Variants in CDK8 observed in about 807,000 individuals in gnomAD.
CDK8 encodes cyclin-dependent kinase 8.
Under a neutral mutation model 71.5 loss-of-function variants are expected in CDK8, and 29 were observed. That is an observed-to-expected ratio of 0.41 (90% CI 0.30 to 0.55). The LOEUF is 0.55. CDK8 is among the 20% of genes least tolerant of loss of function. CDK8 has a pLI of 0.37. For synonymous variants in CDK8, 161 were observed against 192.1 expected (o/e 0.84, Z 1.34); for missense variants, 288 against 572.6 (o/e 0.50, Z 5.07).
rs115041589 is a variant in CDK8, at chr13:26,368,723, T to G, written c.457-14091T>G. ...TTAAGTTTCACTATTAGATATGATA[T>G]TTACTTTGGGGTTTTAGTTAAAGGT... On this transcript the variant is annotated intron_variant, in intron 4 of 12. Transcript: ENST00000381527. Among the ~76,000 whole-genome samples the G allele has an allele frequency of 4.6e-3, 698 of 152,308 alleles. 4 individuals are homozygous for G. The highest frequency in any genetic ancestry group is 0.016 in the African/African-American group (649 of 41,564).
At chr13:26,360,357 T>C (rs951675185) in intron 4 of CDK8, among the ~76,000 whole-genome samples, 5 of 152,184 alleles carry the variant, frequency 3.3e-5, no homozygotes, top group Non-Finnish European at 5.9e-5. Flanking sequence ...AAGACTGATA[T>C]GTAGTCCAGC....
At chr13:26,371,194 A>G (rs1874665886) in intron 4 of CDK8, among the ~76,000 whole-genome samples, 1 of 152,208 alleles carries the variant, frequency 6.6e-6, no homozygotes, top group African/African-American at 2.4e-5. Context: ...AATTATCATT[A>G]TAATGTATTT....
chr13:26,263,777 C>T (rs571622720), intron 1 of CDK8, among the ~76,000 whole-genome samples: 2 of 133,502 alleles, frequency 1.5e-5, no homozygotes, highest in African/African-American at 2.9e-5. Flanking sequence ...GACGGAGTCT[C>T]GCTATGTCAC....
intron 1 of CDK8, among the ~76,000 whole-genome samples, chr13:26,300,763 A>G (rs959966464): frequency 6.6e-6 from 1 of 152,238 alleles, no homozygotes; most frequent in Non-Finnish European, 1.5e-5. Context: ...ATAACTGTCC[A>G]GATATATTAT....
chr13:26,329,886 C>T (rs1470506471), intron 1 of CDK8, among the ~76,000 whole-genome samples: 1 of 152,142 alleles, frequency 6.6e-6, no homozygotes, highest in Admixed American at 6.5e-5. Flanking sequence ...TATTAAACTA[C>T]TTGCTGCTAG....
At position 26,285,465 on chromosome 13, in the gene CDK8, C is replaced by T. The variant is rs141996392; in HGVS notation, c.128+30696C>T. On this transcript the variant is annotated intron_variant, in intron 1 of 12. Coordinates refer to ENST00000381527, the MANE Select transcript of CDK8 (RefSeq NM_001260.3). ...TTAACAATATGATTAAAACCCTTAG[C>T]AAAATCAGTATAGAAGGGAGATACC... Among the ~76,000 whole-genome samples the T allele has an allele frequency of 1.4e-3, 212 of 152,204 alleles. 1 individual carries two copies. Among genetic ancestry groups the T allele is most frequent in the South Asian group, 5.4e-3 (26 of 4,818 alleles).
Position 26,325,136 on chromosome 13 carries a change from A to G in CDK8, c.129-12431A>G, listed in dbSNP as rs189681203. ...TGTTGAATCTGTCTTGTTCAGTGCC[A>G]TATCTCAGAGATTATAACAGTGCCA... On this transcript the variant is annotated intron_variant, in intron 1 of 12. Transcript: ENST00000381527. Among the ~76,000 whole-genome samples the G allele has an allele frequency of 3.1e-3, 467 of 152,348 alleles. 1 individual carries two copies. The highest frequency in any genetic ancestry group is 0.011 in the African/African-American group (452 of 41,580).
chr13:26,306,038 A>G (rs1227971437), intron 1 of CDK8, among the ~76,000 whole-genome samples: 1 of 152,184 alleles, frequency 6.6e-6, no homozygotes, highest in Non-Finnish European at 1.5e-5. Flanking sequence ...AGGAGATAGT[A>G]TCTTCTAGCA....
intron 1 of CDK8, among the ~76,000 whole-genome samples, chr13:26,321,942 A>G (rs897954538): frequency 2.0e-5 from 3 of 152,186 alleles, no homozygotes; most frequent in African/African-American, 4.8e-5. Flanking sequence ...TATTTTATAT[A>G]AATAATTGCA....
intron 1 of CDK8, among the ~76,000 whole-genome samples, chr13:26,291,094 G>T (rs1873274901): frequency 2.5e-5 from 1 of 39,628 alleles, no homozygotes. Flanking sequence ...ACTCCAGCCT[G>T]GGTGACAGAG....
intron 4 of CDK8, among the ~76,000 whole-genome samples, chr13:26,368,914 G>C (rs1874520383): frequency 6.6e-6 from 1 of 151,856 alleles, no homozygotes; most frequent in East Asian, 1.9e-4. Context: ...AACCCTCCTT[G>C]CAGTGGAACC....
intron 2 of CDK8, among the ~76,000 whole-genome samples, chr13:26,344,644 G>A (rs1356535277): frequency 6.6e-6 from 1 of 152,064 alleles, no homozygotes; most frequent in East Asian, 1.9e-4. Context: ...GTGCATGCCT[G>A]TGGAGGCTAA....
chr13:26,346,198 G>T (rs1485365384), intron 2 of CDK8, among the ~76,000 whole-genome samples: 4 of 152,148 alleles, frequency 2.6e-5, no homozygotes, highest in Non-Finnish European at 4.4e-5. Context: ...TAAAATAGGG[G>T]TTATATAAAT....
Position 26,329,755 on chromosome 13 carries a change from C to T in CDK8, c.129-7812C>T, listed in dbSNP as rs528034788. Among the ~76,000 whole-genome samples the T allele has an allele frequency of 5.3e-5, 8 of 152,148 alleles. No individual in the cohort carries two copies. The East Asian group carries it at 7.7e-4, about 15-fold the overall frequency. ...CTGACCTCAGGTGATCCGCCCACCT[C>T]GGCCTCCCAAAGTGCTGGGATTACA... On this transcript the variant is annotated intron_variant, in intron 1 of 12. Transcript: ENST00000381527.
intron 1 of CDK8, among the ~76,000 whole-genome samples, chr13:26,329,483 G>GTTTTTTTTTTTTTTTTTTTTTT (rs543441898): frequency 3.1e-5 from 4 of 128,490 alleles, no homozygotes; most frequent in East Asian, 2.2e-4. Flanking sequence ...TTTTTTTTTT[G>GTTTTTTTTTTTTTTTTTTTTTT]TTTTTTTTTT....
At chr13:26,393,301 G>A (rs2138062762) in intron 6 of CDK8, 66 bp from the exon 7 acceptor site, 2 of 1,066,140 alleles carry the variant, frequency 1.9e-6, no homozygotes, top group Non-Finnish European at 2.7e-6. Context: ...ACTTTATTTT[G>A]CACCTTTCTT....
intron 1 of CDK8, among the ~76,000 whole-genome samples, chr13:26,255,941 T>C (rs145037374): frequency 8.4e-4 from 128 of 152,326 alleles, no homozygotes; most frequent in African/African-American, 2.8e-3. Context: ...ACAAATACTT[T>C]AGTATTCTGG....
chr13:26,303,626 A>T lies in CDK8; in HGVS notation c.129-33941A>T, dbSNP rs189544090. Among the ~76,000 whole-genome samples, 31 of 152,314 alleles carry T rather than the reference A, an allele frequency of 2.0e-4. No individual in the cohort carries two copies. In the East Asian group the frequency reaches 4.8e-3, roughly 24 times the overall value. On this transcript the variant is annotated intron_variant, in intron 1 of 12. Coordinates refer to ENST00000381527, the MANE Select transcript of CDK8 (RefSeq NM_001260.3). ...TTTTTAACTTAATTTCACTTTTGCC[A>T]GCCAGAGAACATACATGAACATTTA...
In CDK8 at chr13:26,319,992, C is replaced by T. The variant is rs548577590; in HGVS notation, c.129-17575C>T. On this transcript the variant is annotated intron_variant, in intron 1 of 12. Transcript: ENST00000381527. Reference sequence around the variant, plus strand: ...GGGAAAGGACAGCCCTTTCAACAAACGGTACTGATAAAACTGTATATCGAC... The same window carrying T: ...GGGAAAGGACAGCCCTTTCAACAAATGGTACTGATAAAACTGTATATCGAC... 1.1e-3 allele frequency among the ~76,000 whole-genome samples: 161 copies of T among 152,132 alleles called. 1 individual carries two copies. Among genetic ancestry groups the T allele is most frequent in the African/African-American group, 3.5e-3 (145 of 41,498 alleles).
Sources: allele counts gnomAD v4.1 joint callset (sites outside exome capture counted in the v4.1 genomes callset), GRCh38; gene constraint gnomAD v4.1.1; transcripts MANE v1.5; gene names NCBI Gene and HGNC (gene_info 2026-07-23, HGNC 2026-07-21).